Variants in KCNQ5 observed in about 807,000 individuals in gnomAD.
KCNQ5 encodes potassium voltage-gated channel subfamily Q member 5, also known as potassium voltage-gated channel subfamily KQT member 5.
A neutral mutation model predicts 98.2 loss-of-function variants in KCNQ5; 30 were observed. That is an observed-to-expected ratio of 0.31 (90% confidence interval 0.23 to 0.41). The LOEUF is 0.41. Among genes scored for constraint, KCNQ5 ranks in the 10% least tolerant of loss-of-function variants. The pLI is 1.00. For missense variants in KCNQ5, 835 were observed against 1,182.5 expected, an observed-to-expected ratio of 0.71 and a Z score of 4.31; for synonymous variants, 458 against 449.4, an observed-to-expected ratio of 1.02 and a Z score of -0.24.
chr6:73,013,382 G>A (rs1480187107), intron 2 of KCNQ5, among the ~76,000 whole-genome samples: 1 of 152,114 alleles, frequency 6.6e-6, no homozygotes, highest in East Asian at 1.9e-4. Context: ...TGATGGACTT[G>A]CTTGCTCTGC....
At chr6:73,160,414 G>A (rs191483250) in intron 10 of KCNQ5, among the ~76,000 whole-genome samples, 90 of 152,246 alleles carry the variant, frequency 5.9e-4, no homozygotes, top group African/African-American at 2.1e-3. Flanking sequence ...AGAGAAAGAG[G>A]GCCAAAGCCT....
At chr6:72,941,572 T>TCCTTCCCTCCCTTCCTTCCTTCCC (rs1562082731) in intron 1 of KCNQ5, among the ~76,000 whole-genome samples, 4 of 103,096 alleles carry the variant, frequency 3.9e-5, no homozygotes, top group Non-Finnish European at 4.4e-5. Flanking sequence ...CCTTCCTTCC[T>TCCTTCCCTCCCTTCCTTCCTTCCC]CCTTCCCTCC....
At chr6:72,633,944 C>G (rs944068718) in intron 1 of KCNQ5, among the ~76,000 whole-genome samples, 1 of 152,112 alleles carries the variant, frequency 6.6e-6, no homozygotes, top group Non-Finnish European at 1.5e-5. Context: ...AGAAGAGAAC[C>G]TAAGAAATAG....
At chr6:72,695,593 A>G (rs1191497743) in intron 1 of KCNQ5, among the ~76,000 whole-genome samples, 2 of 152,196 alleles carry the variant, frequency 1.3e-5, no homozygotes, top group Non-Finnish European at 2.9e-5. Flanking sequence ...CAGAACATAT[A>G]CATGCCATTT....
intron 1 of KCNQ5, among the ~76,000 whole-genome samples, chr6:72,865,169 T>C (rs1442104256): frequency 1.3e-5 from 2 of 152,172 alleles, no homozygotes. Context: ...TACTTAGAAA[T>C]TGTATGTGGA....
At chr6:72,820,168 C>T (rs1279120237) in intron 1 of KCNQ5, among the ~76,000 whole-genome samples, 1 of 152,206 alleles carries the variant, frequency 6.6e-6, no homozygotes, top group African/African-American at 2.4e-5. Flanking sequence ...ATGTCAGCTT[C>T]TCTTGTCATA....
chr6:73,148,087 G>A (rs1244929938), intron 10 of KCNQ5, among the ~76,000 whole-genome samples: 2 of 152,142 alleles, frequency 1.3e-5, no homozygotes, highest in African/African-American at 4.8e-5. Flanking sequence ...CTTATGGGCA[G>A]TTACTAGATG....
intron 1 of KCNQ5, among the ~76,000 whole-genome samples, chr6:72,748,353 C>T (rs1198037428): frequency 6.6e-6 from 1 of 152,014 alleles, no homozygotes; most frequent in Admixed American, 6.6e-5. Context: ...TCTTTTTACT[C>T]AAAAAGTATT....
At chr6:72,684,668 T>C (rs1767864196) in intron 1 of KCNQ5, among the ~76,000 whole-genome samples, 1 of 152,256 alleles carries the variant, frequency 6.6e-6, no homozygotes, top group Non-Finnish European at 1.5e-5. Context: ...CCTTTGCATA[T>C]GTTATCTGTG....
intron 3 of KCNQ5, among the ~76,000 whole-genome samples, chr6:73,060,051 C>A (rs1274814340): frequency 1.3e-5 from 2 of 152,028 alleles, no homozygotes; most frequent in South Asian, 2.1e-4. Context: ...TTTAAAATTG[C>A]CACCAAGACC....
chr6:73,076,105 C>T (rs561752022), intron 3 of KCNQ5, among the ~76,000 whole-genome samples: 1 of 152,254 alleles, frequency 6.6e-6, no homozygotes, highest in South Asian at 2.1e-4. Flanking sequence ...AACTGACCCC[C>T]CCTCTCTCTC....
chr6:72,859,082 C>T (rs1468869976), intron 1 of KCNQ5, among the ~76,000 whole-genome samples: 1 of 152,034 alleles, frequency 6.6e-6, no homozygotes, highest in South Asian at 2.1e-4. Context: ...CTGTTTATGC[C>T]ATATAAATGT....
chr6:72,810,523 G>A (rs908766039), intron 1 of KCNQ5, among the ~76,000 whole-genome samples: 1 of 152,186 alleles, frequency 6.6e-6, no homozygotes, highest in African/African-American at 2.4e-5. Context: ...AGTAATGACA[G>A]TATAAAAATT....
At chr6:72,768,102 G>A (rs1403882934) in intron 1 of KCNQ5, among the ~76,000 whole-genome samples, 1 of 152,044 alleles carries the variant, frequency 6.6e-6, no homozygotes, top group African/African-American at 2.4e-5. Flanking sequence ...AAATGTCCAT[G>A]AACTAATGAA....
At chr6:73,061,079 A>G (rs2150375379) in intron 3 of KCNQ5, among the ~76,000 whole-genome samples, 1 of 152,318 alleles carries the variant, frequency 6.6e-6, no homozygotes, top group South Asian at 2.1e-4. Context: ...AATACAGTGG[A>G]AGACCTTTCT....
Position 73,053,514 on chromosome 6 carries a change from T to TA in KCNQ5, c.616+11461dup, listed in dbSNP as rs201084111. On this transcript the variant is annotated intron_variant, in intron 3 of 13. Coordinates refer to ENST00000370398, the MANE Select transcript of KCNQ5 (RefSeq NM_019842.4). The stretch of plus-strand genomic sequence containing the variant: ...CAGCCATAAAACAATCCTTAGCAAA[T>TA]AAAAAAAAATCATACCAACCACACT... 1.0e-3 allele frequency among the ~76,000 whole-genome samples: 150 copies of TA among 150,698 alleles called. 1 individual carries two copies. Among genetic ancestry groups the TA allele is most frequent in the Admixed American group, 6.4e-3 (97 of 15,154 alleles).
At chr6:73,141,232 G>T (rs1582433295) in intron 10 of KCNQ5, among the ~76,000 whole-genome samples, 1 of 152,154 alleles carries the variant, frequency 6.6e-6, no homozygotes, top group African/African-American at 2.4e-5. Context: ...CTTTATGAGG[G>T]CACTAATCCC....
At chr6:73,070,519 A>G (rs1219011157) in intron 3 of KCNQ5, among the ~76,000 whole-genome samples, 1 of 152,160 alleles carries the variant, frequency 6.6e-6, no homozygotes, top group Non-Finnish European at 1.5e-5. Context: ...TACTTGTGTA[A>G]TAGTCCAATG....
chr6:72,649,882 A>G (rs1765788672), intron 1 of KCNQ5, among the ~76,000 whole-genome samples: 1 of 152,240 alleles, frequency 6.6e-6, no homozygotes, highest in Non-Finnish European at 1.5e-5. Context: ...GGCAAATAGA[A>G]ATGAAATCCC....
Sources: allele counts gnomAD v4.1 joint callset (sites outside exome capture counted in the v4.1 genomes callset), GRCh38; gene constraint gnomAD v4.1.1; transcripts MANE v1.5; gene names NCBI Gene and HGNC (gene_info 2026-07-23, HGNC 2026-07-21).